The following LPP variants were observed in gnomAD, a reference collection of about 807,000 sequenced individuals.
LPP encodes the protein LIM domain containing preferred translocation partner in lipoma.
LPP carries 38 observed loss-of-function variants against 60.4 expected under a neutral mutation model. The observed-to-expected ratio is 0.63, with a 90% CI of 0.49 to 0.83. The LOEUF (loss-of-function observed/expected upper bound fraction) is 0.83. LPP is among the 40% of genes least tolerant of loss of function. LPP has a pLI of 0.00. For missense variants in LPP, 902 were observed against 783.6 expected (o/e 1.15, Z -1.80); for synonymous variants, 328 against 290.8 (o/e 1.13, Z -1.30).
At chr3:188,435,431 T>C (rs1317448315) in intron 4 of LPP, among the ~76,000 whole-genome samples, 1 of 152,174 alleles carries the variant, frequency 6.6e-6, no homozygotes, top group Non-Finnish European at 1.5e-5. Flanking sequence ...TTTGATTAAA[T>C]AGTATTTGTA....
intron 5 of LPP, among the ~76,000 whole-genome samples, chr3:188,505,038 A>C (rs1269891165): frequency 6.6e-6 from 1 of 152,158 alleles, no homozygotes; most frequent in Non-Finnish European, 1.5e-5. Context: ...AGGATCTAAG[A>C]GGTGGGGTAT....
intron 5 of LPP, among the ~76,000 whole-genome samples, chr3:188,521,755 T>G (rs894858885): frequency 6.6e-6 from 1 of 152,202 alleles, no homozygotes; most frequent in Admixed American, 6.5e-5. Flanking sequence ...ACATGTGATA[T>G]TCTCTTCATT....
At chr3:188,573,382 C>A (rs1833929316) in intron 6 of LPP, among the ~76,000 whole-genome samples, 1 of 152,072 alleles carries the variant, frequency 6.6e-6, no homozygotes, top group Non-Finnish European at 1.5e-5. Flanking sequence ...ATCCCCAAGC[C>A]TCCCTAAAAT....
intron 2 of LPP, among the ~76,000 whole-genome samples, chr3:188,260,680 A>G (rs912609220): frequency 2.0e-5 from 3 of 152,124 alleles, no homozygotes; most frequent in Admixed American, 6.6e-5. Flanking sequence ...TGACTCAACA[A>G]CAGCTGTTTG....
chr3:188,616,565 A>G (rs1844887265), intron 7 of LPP, among the ~76,000 whole-genome samples: 1 of 137,394 alleles, frequency 7.3e-6, no homozygotes, highest in South Asian at 2.6e-4. Context: ...CCTTGTCTGT[A>G]CAGGCTCTTT....
At chr3:188,673,892 GT>G (rs11326051) in intron 7 of LPP, among the ~76,000 whole-genome samples, 131,135 of 137,906 alleles carry the variant, frequency 0.95, 62,327 homozygotes, top group Non-Finnish European at 0.97. Flanking sequence ...TTTCTTTTTT[GT>G]TTTTTTTTTT....
At position 188,772,596 on chromosome 3, in the gene LPP, G is replaced by A. The variant is rs139014549; in HGVS notation, c.1410+12314G>A. On this transcript the variant is annotated intron_variant, in intron 9 of 11. Transcript: ENST00000617246. Reference sequence around the variant, plus strand: ...TGCAACCTCTGCCTCCTGGGTTCGCGCCATTCTCCTGCCTCGGCCTCCCGA... The same window carrying A: ...TGCAACCTCTGCCTCCTGGGTTCGCACCATTCTCCTGCCTCGGCCTCCCGA... Among the ~76,000 whole-genome samples, 74 of 152,222 alleles carry A rather than the reference G, an allele frequency of 4.9e-4. No individual in the cohort carries two copies. The East Asian group carries it at 9.7e-3, about 20-fold the overall frequency.
intron 4 of LPP, among the ~76,000 whole-genome samples, chr3:188,409,470 G>C (rs1231251445): frequency 6.6e-6 from 1 of 152,292 alleles, no homozygotes. Context: ...TAATTTAAAT[G>C]TTATCAGTGC....
intron 2 of LPP, among the ~76,000 whole-genome samples, chr3:188,233,575 T>C (rs1720838410): frequency 6.6e-6 from 1 of 152,196 alleles, no homozygotes; most frequent in African/African-American, 2.4e-5. Context: ...TATAATATAG[T>C]GTGAGATGGC....
At chr3:188,396,097 C>T (rs547832139) in intron 3 of LPP, among the ~76,000 whole-genome samples, 1 of 152,252 alleles carries the variant, frequency 6.6e-6, no homozygotes, top group East Asian at 1.9e-4. Flanking sequence ...TCTAACTCCC[C>T]ATCTTGTTGC....
chr3:188,741,170 T>G (rs909624841), intron 8 of LPP, among the ~76,000 whole-genome samples: 3 of 149,712 alleles, frequency 2.0e-5, no homozygotes, highest in African/African-American at 7.4e-5. Flanking sequence ...ACCATGAAAT[T>G]TATGAAAAAA....
At chr3:188,262,749 G>GA (rs879485029) in intron 2 of LPP, among the ~76,000 whole-genome samples, 7 of 149,562 alleles carry the variant, frequency 4.7e-5, no homozygotes, top group African/African-American at 1.5e-4. Flanking sequence ...CACACACGGG[G>GA]AAAAAAAATC....
chr3:188,698,738 T>C (rs937684912), intron 7 of LPP, among the ~76,000 whole-genome samples: 12 of 152,242 alleles, frequency 7.9e-5, no homozygotes, highest in Admixed American at 6.5e-4. Context: ...TAGCCAAGCA[T>C]GAGCTTTACT....
chr3:188,625,466 T>C (rs576990173), intron 7 of LPP, among the ~76,000 whole-genome samples: 1 of 152,290 alleles, frequency 6.6e-6, no homozygotes, highest in East Asian at 1.9e-4. Flanking sequence ...AATTTGGTCC[T>C]CAAAAAAGAA....
At position 188,512,730 on chromosome 3, in the gene LPP, A is replaced by G. The variant is rs191365981; in HGVS notation, c.307-11935A>G. On this transcript the variant is annotated intron_variant, in intron 5 of 11. Transcript: ENST00000617246. ...TTTGGTAACATTTAAGGGGTCAAAC[A>G]AGAGTTCAAGAAAAAAAATACTTGA... Among the ~76,000 whole-genome samples, 371 of 152,262 alleles carry G rather than the reference A, an allele frequency of 2.4e-3. 2 individuals carry two copies. The highest frequency in any genetic ancestry group is 8.6e-3 in the African/African-American group (356 of 41,548).
intron 10 of LPP, among the ~76,000 whole-genome samples, chr3:188,870,986 C>T (rs1314902358): frequency 6.6e-6 from 1 of 151,578 alleles, no homozygotes; most frequent in South Asian, 2.1e-4. Flanking sequence ...CTTTTTTTTT[C>T]TGCACCAGTC....
chr3:188,419,695 G>A (rs1011832787), intron 4 of LPP, among the ~76,000 whole-genome samples: 1 of 151,996 alleles, frequency 6.6e-6, no homozygotes, highest in African/African-American at 2.4e-5. Flanking sequence ...TTCAAGACCA[G>A]TCTGGCCAAC....
chr3:188,491,894 A>G (rs972651063), intron 5 of LPP, among the ~76,000 whole-genome samples: 2 of 152,340 alleles, frequency 1.3e-5, no homozygotes, highest in East Asian at 3.9e-4. Flanking sequence ...TTAATGGAAT[A>G]TCATAGTTTC....
At chr3:188,744,315 G>A (rs1037473031) in intron 8 of LPP, among the ~76,000 whole-genome samples, 1 of 152,066 alleles carries the variant, frequency 6.6e-6, no homozygotes, top group Admixed American at 6.6e-5. Context: ...GCCCAAAATG[G>A]GAATGCGGAA....
Sources: allele counts gnomAD v4.1 joint callset (sites outside exome capture counted in the v4.1 genomes callset), GRCh38; gene constraint gnomAD v4.1.1; transcripts MANE v1.5; gene names NCBI Gene and HGNC (gene_info 2026-07-23, HGNC 2026-07-21).